Variants in TNS1 observed in about 807,000 individuals in gnomAD.
The protein encoded by TNS1 is tensin 1, also known as tensin-1.
In TNS1, 62 loss-of-function variants were observed where a neutral mutation model predicts 168.6. The observed-to-expected ratio is 0.37, with a 90% CI of 0.30 to 0.45. The LOEUF (loss-of-function observed/expected upper bound fraction) is 0.45. TNS1 is among the 20% of genes least tolerant of loss of function. TNS1 has a pLI of 1.00. For synonymous variants in TNS1, 934 were observed against 933.2 expected (o/e 1.00, Z -0.02); for missense variants, 2,240 against 2,339.4 (o/e 0.96, Z 0.88).
chr2:217,870,855 G>T (rs149919375), intron 18 of TNS1, among the ~76,000 whole-genome samples: 1 of 152,200 alleles, frequency 6.6e-6, no homozygotes, highest in Non-Finnish European at 1.5e-5. Context: ...AGCGCTGCTC[G>T]ACAGAGAACA....
chr2:217,840,738 C>T (rs907922093), intron 19 of TNS1, among the ~76,000 whole-genome samples: 3 of 152,252 alleles, frequency 2.0e-5, no homozygotes, highest in Non-Finnish European at 4.4e-5. Context: ...GCCCTGCAGC[C>T]CAGGCAGTCT....
rs778784897 is a variant in TNS1, at chr2:217,848,850, G to A, written c.1667C>T (p.Ala556Val). The A allele has an allele frequency of 1.9e-6, 3 of 1,614,092 alleles. No individual in the cohort carries two copies. Among genetic ancestry groups the A allele is most frequent in the Non-Finnish European group, 2.5e-6 (3 of 1,180,032 alleles). Residue 556 changes from alanine to valine, a missense_variant, in exon 19 of 33, where the codon GCC (alanine) becomes GTC (valine). Ala to Val is a moderately conservative substitution (Grantham distance 64). Coordinates refer to ENST00000682258, the MANE Select transcript of TNS1 (RefSeq NM_001387777.1). ...CTCCCGCTTCTCCTGGGGACTCAAG[G>A]CAGCAGTGGCACTGGAGGCCCCGGG... ...PVPGASSATAALSPQEKRELD... is the reference protein window; with the variant it reads ...PVPGASSATAVLSPQEKRELD...
chr2:217,894,471 A>G (rs1278111605), intron 9 of TNS1, among the ~76,000 whole-genome samples: 1 of 152,204 alleles, frequency 6.6e-6, no homozygotes, highest in Non-Finnish European at 1.5e-5. Flanking sequence ...AGGCTGGCCA[A>G]CACGGCGAAA....
chr2:217,824,879 C>T (rs1031322917), intron 22 of TNS1, among the ~76,000 whole-genome samples: 23 of 152,276 alleles, frequency 1.5e-4, no homozygotes, highest in African/African-American at 4.3e-4. Context: ...TTTGGCTGCC[C>T]GTGGGCTCCC....
chr2:217,940,575 G>T (rs1276245487), intron 3 of TNS1, among the ~76,000 whole-genome samples: 1 of 152,148 alleles, frequency 6.6e-6, no homozygotes, highest in Admixed American at 6.5e-5. Context: ...GCAACTTCAT[G>T]TAGTCCCTGA....
chr2:218,014,116 T>A (rs1958735540), upstream of TNS1, among the ~76,000 whole-genome samples: 3 of 152,182 alleles, frequency 2.0e-5, no homozygotes. Context: ...GCCCACAGTT[T>A]CCCTGGCTGG....
At chr2:217,967,523 G>C (rs902584142) in intron 3 of TNS1, among the ~76,000 whole-genome samples, 1 of 151,896 alleles carries the variant, frequency 6.6e-6, no homozygotes, top group African/African-American at 2.4e-5. Context: ...GAAATAAAAA[G>C]AATTATGAAG....
intron 18 of TNS1, among the ~76,000 whole-genome samples, chr2:217,877,667 A>G (rs1950310466): frequency 6.6e-6 from 1 of 152,092 alleles, no homozygotes; most frequent in Admixed American, 6.5e-5. Context: ...TTGAACTTGG[A>G]GCTGGGTTGG....
At chr2:217,816,389 C>G (rs1314022206) in intron 24 of TNS1, among the ~76,000 whole-genome samples, 2 of 152,182 alleles carry the variant, frequency 1.3e-5, no homozygotes, top group Non-Finnish European at 2.9e-5. Flanking sequence ...CAAGTTGTGT[C>G]TCCAGTGCTT....
At chr2:218,031,188 G>A (rs1421461405) in intron 1 of TNS1, among the ~76,000 whole-genome samples, 1 of 149,756 alleles carries the variant, frequency 6.7e-6, no homozygotes, top group Non-Finnish European at 1.5e-5. Context: ...GAGTGTGAAT[G>A]TGTCTGTATG....
intron 3 of TNS1, among the ~76,000 whole-genome samples, chr2:217,923,191 C>A (rs941558706): frequency 6.6e-6 from 1 of 152,114 alleles, no homozygotes; most frequent in South Asian, 2.1e-4. Context: ...GTCATAGGCT[C>A]ACCTCCCAGA....
intron 18 of TNS1, among the ~76,000 whole-genome samples, chr2:217,867,928 G>A (rs1452520200): frequency 6.6e-6 from 1 of 152,120 alleles, no homozygotes; most frequent in African/African-American, 2.4e-5. Context: ...TTTTTGCCAG[G>A]GTATTTCTCA....
rs186132488 is a variant in TNS1, at chr2:217,980,680, G to A, written c.149-1878C>T. The stretch of plus-strand genomic sequence containing the variant: ...TCAGATCGTTCCTGAGCTGTAGACC[G>A]CCACCTCAACATCTCATGTTCAACC... On this transcript the variant is annotated intron_variant, in intron 2 of 32. Coordinates refer to ENST00000682258, the MANE Select transcript of TNS1 (RefSeq NM_001387777.1). Among the ~76,000 whole-genome samples, 504 of 152,088 alleles carry A rather than the reference G, an allele frequency of 3.3e-3. 6 individuals carry two copies. Among genetic ancestry groups the A allele is most frequent in the African/African-American group, 0.011 (457 of 41,458 alleles).
At chr2:217,810,477 T>C (rs554848412) in intron 28 of TNS1, among the ~76,000 whole-genome samples, 158 bp from the exon 29 acceptor site, 1 of 152,290 alleles carries the variant, frequency 6.6e-6, no homozygotes, top group Middle Eastern at 3.4e-3. Context: ...AGTCTGAACG[T>C]TTGATGATTG....
chr2:217,842,193 C>T (rs1231229297), intron 19 of TNS1: 1 of 698,174 alleles, frequency 1.4e-6, no homozygotes, highest in African/African-American at 1.8e-5. Context: ...GGTGACATTG[C>T]CCAGTGCTAT....
At position 217,986,679 on chromosome 2, in the gene TNS1, T is replaced by A. The variant is rs1178689672; in HGVS notation, c.148+4263A>T. The stretch of plus-strand genomic sequence containing the variant: ...AGACCCAACCTGCACATGCCTTCCC[T>A]GCTGAAGCCTGACAAGAACATCTCT... On this transcript the variant is annotated intron_variant, in intron 2 of 32. Transcript: ENST00000682258. This position sits in a 1 kb window ranked among gnomAD's most constrained non-coding sequence, Gnocchi z 4.7. 6.6e-6 allele frequency: 1 copy of A among 152,546 alleles called. No homozygotes were observed. The highest frequency in any genetic ancestry group is 1.5e-5 in the Non-Finnish European group (1 of 68,334). The allele number at this position is 152,546 out of a possible 1,614,324, so 9.4% of individuals were successfully genotyped here.
chr2:217,805,177 C>G (rs894971789), intron 32 of TNS1, among the ~76,000 whole-genome samples: 2 of 151,802 alleles, frequency 1.3e-5, no homozygotes, highest in African/African-American at 4.8e-5. Flanking sequence ...CGTTCCCCAC[C>G]CCCACCCGCA....
intron 22 of TNS1, among the ~76,000 whole-genome samples, chr2:217,825,976 A>G (rs886856691): frequency 6.6e-6 from 1 of 152,162 alleles, no homozygotes; most frequent in African/African-American, 2.4e-5. Context: ...TCTGACCACA[A>G]TGTTGGAAAC....
chr2:217,841,973 A>G (rs1163643559), intron 19 of TNS1: 3 of 668,082 alleles, frequency 4.5e-6, no homozygotes, highest in Non-Finnish European at 8.1e-6. Flanking sequence ...TTGACTTCTA[A>G]CCCACCTTCA....
Sources: gnomAD v4.1 joint callset for allele counts (sites outside exome capture counted in the v4.1 genomes callset) on GRCh38, gnomAD v4.1.1 for gene constraint, Gnocchi (gnomAD v3.1) non-coding constraint, MANE v1.5 for transcripts, NCBI Gene and HGNC (gene_info 2026-07-23, HGNC 2026-07-21) for gene names.